Variants in LCLAT1 observed in about 807,000 individuals in gnomAD.
The protein encoded by LCLAT1 is 1-AGP acyltransferase 8.
A neutral mutation model predicts 30.7 loss-of-function variants in LCLAT1; 11 were observed. That is an observed-to-expected ratio of 0.36 (90% confidence interval 0.23 to 0.59). The LOEUF is 0.59. Among genes scored for constraint, LCLAT1 ranks in the 20% least tolerant of loss-of-function variants. The probability of loss-of-function intolerance (pLI) is 0.77; values close to 1 mark genes in which losing one functional copy is unlikely to be tolerated. For missense variants in LCLAT1, 402 were observed against 458.6 expected (o/e 0.88, Z 1.13); for synonymous variants, 155 against 151.3 (o/e 1.02, Z -0.18).
chr2:30,631,849 A>G (rs1668784135), intron 5 of LCLAT1, among the ~76,000 whole-genome samples: 1 of 152,226 alleles, frequency 6.6e-6, no homozygotes, highest in South Asian at 2.1e-4. Flanking sequence ...GAGTTCCAAG[A>G]GCTGTGATTT....
At chr2:30,578,266 A>G (rs1261637597) in intron 5 of LCLAT1, among the ~76,000 whole-genome samples, 1 of 152,138 alleles carries the variant, frequency 6.6e-6, no homozygotes, top group Non-Finnish European at 1.5e-5. Context: ...TTGTATATTC[A>G]TAGTTTATTT....
At chr2:30,501,276 G>A (rs938761712) in intron 1 of LCLAT1, among the ~76,000 whole-genome samples, 1 of 152,164 alleles carries the variant, frequency 6.6e-6, no homozygotes, top group Non-Finnish European at 1.5e-5. Flanking sequence ...GCTGCAAGCA[G>A]CAGGGACCTA....
At chr2:30,555,961 C>T (rs978736413) in intron 3 of LCLAT1, among the ~76,000 whole-genome samples, 1 of 151,760 alleles carries the variant, frequency 6.6e-6, no homozygotes, top group African/African-American at 2.4e-5. Flanking sequence ...CCTCAGCCTC[C>T]GGAATAGCTG....
chr2:30,524,412 G>T (rs921730845), intron 1 of LCLAT1, among the ~76,000 whole-genome samples: 13 of 152,210 alleles, frequency 8.5e-5, no homozygotes, highest in African/African-American at 3.1e-4. Flanking sequence ...CTGCTAACTT[G>T]TCATTGTTTT....
intron 1 of LCLAT1, among the ~76,000 whole-genome samples, chr2:30,449,041 T>G (rs56208020): frequency 0.018 from 2,783 of 152,358 alleles, 46 homozygotes; most frequent in South Asian, 0.034. Flanking sequence ...CTCAGTCATC[T>G]AGCATCACTG....
At position 30,643,500 on chromosome 2, in the gene LCLAT1, A is replaced by T. The variant is rs1449897437; in HGVS notation, c.*2881A>T. On this transcript the variant is annotated 3_prime_UTR_variant, in exon 6 of 6. Transcript: ENST00000379509. ...CCTATAAAATTCTTCCTTGTTTGTT[A>T]ATGCTATTAAAACTCAGATTCAAGG... is the stretch of plus-strand genomic sequence containing the variant. 6.6e-6 allele frequency: 1 copy of T among 152,002 alleles called. No individual in the cohort carries two copies. Among genetic ancestry groups the T allele is most frequent in the Non-Finnish European group, 1.5e-5 (1 of 67,990 alleles). 9.4% of individuals were successfully genotyped at this position (152,002 alleles called of 1,614,324 possible). A position where few individuals can be genotyped will look rare whatever the true frequency, so the allele number is the denominator to read the frequency against.
chr2:30,498,927 T>C (rs1401370763), intron 1 of LCLAT1, among the ~76,000 whole-genome samples: 1 of 152,188 alleles, frequency 6.6e-6, no homozygotes, highest in Non-Finnish European at 1.5e-5. Context: ...AAGTTACGTG[T>C]TTGTGACTCA....
At chr2:30,482,138 A>G (rs1167833250) in intron 1 of LCLAT1, among the ~76,000 whole-genome samples, 16 of 152,196 alleles carry the variant, frequency 1.1e-4, no homozygotes, top group Admixed American at 1.0e-3. Context: ...TTAGAAATTC[A>G]TTTTGGTTTT....
intron 5 of LCLAT1, among the ~76,000 whole-genome samples, chr2:30,638,236 G>GAA (rs1480669013): frequency 6.6e-6 from 1 of 152,198 alleles, no homozygotes; most frequent in Non-Finnish European, 1.5e-5. Context: ...CTGTTCAGTG[G>GAA]AAAGGGTAAA....
intron 1 of LCLAT1, among the ~76,000 whole-genome samples, chr2:30,455,358 C>T (rs959208382): frequency 8.5e-5 from 13 of 152,104 alleles, no homozygotes; most frequent in Admixed American, 5.2e-4. Flanking sequence ...CTGCAGACAT[C>T]GTGACTTAAA....
intron 3 of LCLAT1, among the ~76,000 whole-genome samples, chr2:30,544,235 C>T (rs937299284): frequency 2.6e-5 from 4 of 152,128 alleles, no homozygotes; most frequent in Non-Finnish European, 4.4e-5. Flanking sequence ...TGATGATTAC[C>T]TTTATCTTAT....
At chr2:30,621,203 C>T (rs1045266964) in intron 5 of LCLAT1, among the ~76,000 whole-genome samples, 2 of 152,114 alleles carry the variant, frequency 1.3e-5, no homozygotes, top group Admixed American at 1.3e-4. Context: ...CAGATGTTGA[C>T]TCTCATGTTC....
intron 5 of LCLAT1, among the ~76,000 whole-genome samples, chr2:30,572,462 G>A (rs952422304): frequency 6.6e-6 from 1 of 152,142 alleles, no homozygotes; most frequent in Non-Finnish European, 1.5e-5. Flanking sequence ...TGGTGATGGG[G>A]ACCTAGACTC....
At chr2:30,584,614 C>T (rs1411755902) in intron 5 of LCLAT1, among the ~76,000 whole-genome samples, 1 of 152,098 alleles carries the variant, frequency 6.6e-6, no homozygotes, top group Non-Finnish European at 1.5e-5. Flanking sequence ...AGTTTATTGT[C>T]TGTGTATAAT....
At chr2:30,537,856 A>T (rs1339204674) in intron 3 of LCLAT1, among the ~76,000 whole-genome samples, 2 of 152,248 alleles carry the variant, frequency 1.3e-5, no homozygotes, top group Admixed American at 6.5e-5. Context: ...AGCAAATTTT[A>T]AAAAATCGAA....
At chr2:30,532,287 T>C (rs1413119526) in intron 2 of LCLAT1, among the ~76,000 whole-genome samples, 1 of 152,202 alleles carries the variant, frequency 6.6e-6, no homozygotes, top group Non-Finnish European at 1.5e-5. Flanking sequence ...AAGATTATCA[T>C]GATATTCGCC....
intron 1 of LCLAT1, among the ~76,000 whole-genome samples, chr2:30,450,922 C>T (rs1188094163): frequency 6.6e-6 from 1 of 152,072 alleles, no homozygotes; most frequent in East Asian, 1.9e-4. Flanking sequence ...AAATGAAGAG[C>T]AAAATATGGA....
At chr2:30,524,296 C>T (rs997346123) in intron 1 of LCLAT1, among the ~76,000 whole-genome samples, 10 of 152,134 alleles carry the variant, frequency 6.6e-5, no homozygotes, top group African/African-American at 2.4e-4. Flanking sequence ...CTACTTAATC[C>T]TTCAACTCAT....
At chr2:30,599,361 C>T (rs1667076379) in intron 5 of LCLAT1, among the ~76,000 whole-genome samples, 1 of 152,180 alleles carries the variant, frequency 6.6e-6, no homozygotes, top group South Asian at 2.1e-4. Flanking sequence ...AGTACTTTTG[C>T]ACTTGCTGAG....
Sources: gnomAD v4.1 joint callset for allele counts (sites outside exome capture counted in the v4.1 genomes callset) on GRCh38, gnomAD v4.1.1 for gene constraint, MANE v1.5 for transcripts, NCBI Gene and HGNC (gene_info 2026-07-23, HGNC 2026-07-21) for gene names.